The following MAP4K4 variants were observed in gnomAD, a reference collection of about 807,000 sequenced individuals.
The protein encoded by MAP4K4 is mitogen-activated protein kinase kinase kinase kinase 4.
In MAP4K4, 38 loss-of-function variants were observed where a neutral mutation model predicts 189.6. The observed-to-expected ratio is 0.20, with a 90% confidence interval of 0.15 to 0.26. MAP4K4 has a LOEUF of 0.26. Among genes scored for constraint, MAP4K4 ranks in the 10% least tolerant of loss-of-function variants. The pLI is 1.00. For missense variants in MAP4K4, 1,054 were observed against 1,726.9 expected (o/e 0.61, Z 6.91); for synonymous variants, 610 against 624.3 (o/e 0.98, Z 0.34).
intron 2 of MAP4K4, among the ~76,000 whole-genome samples, chr2:101,760,034 T>C (rs1425561559): frequency 1.3e-5 from 2 of 151,842 alleles, no homozygotes; most frequent in Non-Finnish European, 2.9e-5. Context: ...TTTGTAGAGA[T>C]GGGGTTTCAC....
intron 2 of MAP4K4, among the ~76,000 whole-genome samples, chr2:101,743,297 A>G (rs1469727573): frequency 6.6e-6 from 1 of 152,088 alleles, no homozygotes; most frequent in African/African-American, 2.4e-5. Context: ...TGGGGGGTTT[A>G]CATTTGGTAA....
intron 3 of MAP4K4, among the ~76,000 whole-genome samples, chr2:101,806,956 C>A (rs1302148475): frequency 6.6e-6 from 1 of 152,136 alleles, no homozygotes; most frequent in African/African-American, 2.4e-5. Context: ...CTGGCTGGCC[C>A]TGGCGATTCT....
intron 3 of MAP4K4, among the ~76,000 whole-genome samples, chr2:101,820,998 TC>T (rs2096016838): frequency 6.6e-6 from 1 of 152,194 alleles, no homozygotes; most frequent in South Asian, 2.1e-4. Context: ...AGAATAAAGT[TC>T]CTTTGAAGCA....
At chr2:101,858,840 G>A in intron 13 of MAP4K4, among the ~76,000 whole-genome samples, 156 bp from the exon 14 acceptor site, 1 of 152,128 alleles carries the variant, frequency 6.6e-6, no homozygotes, top group East Asian at 1.9e-4. Flanking sequence ...TGAAGTTCTT[G>A]GAGAAATCTT....
At chr2:101,865,116 T>C (rs2097774927) in intron 18 of MAP4K4, 80 bp downstream of exon 18, 2 of 875,582 alleles carry the variant, frequency 2.3e-6, no homozygotes. Context: ...ATAAAAATGC[T>C]CTTAAACACA....
intron 12 of MAP4K4, among the ~76,000 whole-genome samples, chr2:101,849,271 C>T (rs2149678192): frequency 6.6e-6 from 1 of 152,152 alleles, no homozygotes; most frequent in East Asian, 1.9e-4. Context: ...TACAGGCATG[C>T]ACCAGCATAC....
At chr2:101,845,115 A>G (rs1311804747) in intron 12 of MAP4K4, among the ~76,000 whole-genome samples, 1 of 151,782 alleles carries the variant, frequency 6.6e-6, no homozygotes, top group African/African-American at 2.4e-5. Flanking sequence ...TCACACCTTG[A>G]TATCAGAGTT....
At chr2:101,834,581 A>G in intron 8 of MAP4K4, 118 bp downstream of exon 8, 1 of 739,408 alleles carries the variant, frequency 1.4e-6, no homozygotes, top group Non-Finnish European at 2.3e-6. Flanking sequence ...GACTGTTTAG[A>G]TGAAGGCAAC....
At chr2:101,885,750 TATTTC>T (rs2098471235) in intron 29 of MAP4K4, among the ~76,000 whole-genome samples, 1 of 152,246 alleles carries the variant, frequency 6.6e-6, no homozygotes, top group East Asian at 1.9e-4. Context: ...AAAGTTAAAA[TATTTC>T]ATATGATTCC....
At chr2:101,848,609 G>T (rs2097183887) in intron 12 of MAP4K4, among the ~76,000 whole-genome samples, 1 of 152,156 alleles carries the variant, frequency 6.6e-6, no homozygotes, top group Non-Finnish European at 1.5e-5. Flanking sequence ...GGCCCACTGG[G>T]GTTGGGGATT....
chr2:101,709,619 A>G (rs755914947), intron 2 of MAP4K4, among the ~76,000 whole-genome samples: 7 of 152,092 alleles, frequency 4.6e-5, no homozygotes, highest in Non-Finnish European at 8.8e-5. Context: ...TTTTCCTTCT[A>G]TTTTTGGGAG....
intron 19 of MAP4K4, 103 bp from the exon 20 acceptor site, chr2:101,867,109 T>G: frequency 2.8e-6 from 2 of 704,682 alleles, no homozygotes; most frequent in Non-Finnish European, 4.9e-6. Context: ...GAGCCTACCA[T>G]GAGTGGGCAG....
rs1327596318 is a variant in MAP4K4, at chr2:101,829,489, G to A, written c.418-15G>A. On this transcript the variant is annotated splice_polypyrimidine_tract_variant and intron_variant, in intron 5 of 32. Transcript: ENST00000324219. ...TCACAGAAAACTAAAATTCAGGTCTGTCTTTCCTATTCAGGGACTGGCACA... is the reference window on the plus strand; with the variant it reads ...TCACAGAAAACTAAAATTCAGGTCTATCTTTCCTATTCAGGGACTGGCACA... 1 of 1,584,702 alleles carries A rather than the reference G, an allele frequency of 6.3e-7. No homozygotes were observed. Among genetic ancestry groups the A allele is most frequent in the Non-Finnish European group, 8.6e-7 (1 of 1,158,970 alleles).
chr2:101,706,662 C>T (rs538105761), intron 2 of MAP4K4, among the ~76,000 whole-genome samples: 1 of 152,092 alleles, frequency 6.6e-6, no homozygotes, highest in Non-Finnish European at 1.5e-5. Flanking sequence ...ATTTTTTCTC[C>T]CTGGAGTTTC....
At chr2:101,823,454 G>A (rs920594419) in intron 3 of MAP4K4, among the ~76,000 whole-genome samples, 1 of 152,216 alleles carries the variant, frequency 6.6e-6, no homozygotes, top group Non-Finnish European at 1.5e-5. Context: ...GGCTTCACTA[G>A]AGGGTGCTGT....
At chr2:101,750,999 C>A (rs1423907674) in intron 2 of MAP4K4, among the ~76,000 whole-genome samples, 2 of 152,194 alleles carry the variant, frequency 1.3e-5, no homozygotes, top group African/African-American at 4.8e-5. Context: ...CCAGTCCAGG[C>A]TCCACAGCCT....
rs76545804 is a variant in MAP4K4, at chr2:101,756,804, T to C, written c.124-33916T>C. ...GTGGTCATGAACTCCTGGGCTCAAG[T>C]GATCTGCCTGGCTCAGCCTCCCAAA... On this transcript the variant is annotated intron_variant, in intron 2 of 32. Transcript: ENST00000324219. 9.0e-3 allele frequency among the ~76,000 whole-genome samples: 1,366 copies of C among 150,990 alleles called. 20 individuals carry two copies. Among genetic ancestry groups the C allele is most frequent in the African/African-American group, 0.032 (1,304 of 41,094 alleles).
At chr2:101,776,566 AC>A (rs1416401108) in intron 2 of MAP4K4, among the ~76,000 whole-genome samples, 1 of 73,666 alleles carries the variant, frequency 1.4e-5, no homozygotes, top group African/African-American at 4.0e-5. Flanking sequence ...CAAAAAATGC[AC>A]CCCCACCCCC....
intron 2 of MAP4K4, among the ~76,000 whole-genome samples, chr2:101,720,637 C>T (rs1330316331): frequency 6.6e-6 from 1 of 152,184 alleles, no homozygotes; most frequent in African/African-American, 2.4e-5. Context: ...TCTCATCTTA[C>T]TCGTTAAAAC....
Sources: allele counts gnomAD v4.1 joint callset (sites outside exome capture counted in the v4.1 genomes callset), GRCh38; gene constraint gnomAD v4.1.1; transcripts MANE v1.5; gene names NCBI Gene and HGNC (gene_info 2026-07-23, HGNC 2026-07-21).